The following NRXN3 variants were observed in gnomAD, a reference collection of about 807,000 sequenced individuals.
The protein encoded by NRXN3 is neurexin III.
In NRXN3, 32 loss-of-function variants were observed where a neutral mutation model predicts 137.6. The ratio of observed to expected loss-of-function variants is 0.23; its 90% CI spans 0.18 to 0.31. NRXN3 has a LOEUF of 0.31. NRXN3 is among the 10% of genes least tolerant of loss of function. The pLI is 1.00. For missense variants in NRXN3, 1,574 were observed against 2,062.5 expected, an observed-to-expected ratio of 0.76 and a Z score of 4.59; for synonymous variants, 798 against 784.5, an observed-to-expected ratio of 1.02 and a Z score of -0.29.
chr14:79,836,457 A>G (rs1394738738), intron 20 of NRXN3, among the ~76,000 whole-genome samples: 7 of 37,472 alleles, frequency 1.9e-4, no homozygotes, highest in Non-Finnish European at 3.5e-4. Context: ...AGTTCCATCC[A>G]CTATTCTGGA....
At chr14:78,891,440 TAGTG>T (rs943480571) in intron 10 of NRXN3, among the ~76,000 whole-genome samples, 1 of 151,876 alleles carries the variant, frequency 6.6e-6, no homozygotes, top group African/African-American at 2.4e-5. Flanking sequence ...ACTGGAGACT[TAGTG>T]AGTATTTAGG....
rs572049516 is a variant in NRXN3, at chr14:78,630,013, T to C, written c.758-15107T>C. 2.0e-5 allele frequency among the ~76,000 whole-genome samples: 3 copies of C among 152,362 alleles called. No individual in the cohort carries two copies. In the South Asian group the frequency reaches 6.2e-4, roughly 32 times the overall value. ...ATTCTAGCTAATGGAGAGTTTTTAC[T>C]TGATGTGCTTTATTTTTTACCTTCT... is the stretch of plus-strand genomic sequence containing the variant. On this transcript the variant is annotated intron_variant, in intron 4 of 20. Transcript: ENST00000335750.
At chr14:78,184,581 C>T (rs904869520) in intron 1 of NRXN3, among the ~76,000 whole-genome samples, 1 of 152,200 alleles carries the variant, frequency 6.6e-6, no homozygotes, top group African/African-American at 2.4e-5. Flanking sequence ...AAGACTCTAA[C>T]CTTTTATTTA....
chr14:79,535,918 T>C (rs781701695), intron 16 of NRXN3, among the ~76,000 whole-genome samples: 3 of 152,192 alleles, frequency 2.0e-5, no homozygotes, highest in Non-Finnish European at 2.9e-5. Flanking sequence ...GCATTCTGTA[T>C]TCAGTTACGT....
chr14:78,833,819 T>C (rs1010383993), intron 10 of NRXN3, among the ~76,000 whole-genome samples: 19 of 151,126 alleles, frequency 1.3e-4, no homozygotes, highest in Admixed American at 1.1e-3. Context: ...AGAGGTATTA[T>C]TATTCCCCTT....
chr14:79,577,931 T>C (rs1193471964), intron 16 of NRXN3, among the ~76,000 whole-genome samples: 2 of 152,184 alleles, frequency 1.3e-5, no homozygotes, highest in Non-Finnish European at 2.9e-5. Context: ...CTTTCCTTAC[T>C]TGGGGTCTTT....
intron 15 of NRXN3, among the ~76,000 whole-genome samples, chr14:79,400,869 C>A (rs183511960): frequency 5.2e-4 from 79 of 152,228 alleles, no homozygotes; most frequent in African/African-American, 1.9e-3. Context: ...TATAGCCCCC[C>A]GTAACAAGCC....
chr14:78,955,812 A>G (rs1197073532), intron 10 of NRXN3, among the ~76,000 whole-genome samples: 3 of 152,230 alleles, frequency 2.0e-5, no homozygotes, highest in Non-Finnish European at 4.4e-5. Flanking sequence ...TAAAAGGTGT[A>G]GTTTGAAATT....
intron 8 of NRXN3, among the ~76,000 whole-genome samples, chr14:78,788,738 C>G (rs961129511): frequency 6.6e-6 from 1 of 152,146 alleles, no homozygotes; most frequent in Non-Finnish European, 1.5e-5. Flanking sequence ...TAAATCTTAC[C>G]TTTATTAAAC....
chr14:78,943,601 G>C (rs2099357371), intron 10 of NRXN3, among the ~76,000 whole-genome samples: 1 of 87,520 alleles, frequency 1.1e-5, no homozygotes, highest in African/African-American at 4.1e-5. Context: ...AAAGAAGCAA[G>C]ATCACTGTTA....
At chr14:79,275,496 A>T (rs1877274695) in intron 15 of NRXN3, among the ~76,000 whole-genome samples, 1 of 152,070 alleles carries the variant, frequency 6.6e-6, no homozygotes, top group Non-Finnish European at 1.5e-5. Context: ...AAGTGAGGAG[A>T]GGCCTGTGCA....
At chr14:78,469,890 T>A (rs1283937131) in intron 4 of NRXN3, among the ~76,000 whole-genome samples, 1 of 152,240 alleles carries the variant, frequency 6.6e-6, no homozygotes, top group African/African-American at 2.4e-5. Flanking sequence ...TCCTTGATTT[T>A]GTCCCGTTAG....
intron 4 of NRXN3, among the ~76,000 whole-genome samples, chr14:78,616,150 A>G (rs949575998): frequency 6.6e-6 from 1 of 152,198 alleles, no homozygotes; most frequent in African/African-American, 2.4e-5. Context: ...TTTTTAAAGT[A>G]TAAATCATAC....
chr14:79,073,264 G>A (rs1157536924), intron 15 of NRXN3, among the ~76,000 whole-genome samples: 1 of 152,026 alleles, frequency 6.6e-6, no homozygotes, highest in Non-Finnish European at 1.5e-5. Context: ...GAGATACTTG[G>A]TAATGTAGAA....
At chr14:79,314,917 A>G (rs966653326) in intron 15 of NRXN3, among the ~76,000 whole-genome samples, 1 of 152,078 alleles carries the variant, frequency 6.6e-6, no homozygotes, top group Non-Finnish European at 1.5e-5. Flanking sequence ...CCATCTGTAC[A>G]TCACCATCAT....
chr14:78,388,120 C>T (rs574947504), intron 4 of NRXN3, among the ~76,000 whole-genome samples: 5 of 152,262 alleles, frequency 3.3e-5, no homozygotes, highest in African/African-American at 4.8e-5. Flanking sequence ...TGAATAATTG[C>T]GCAGGTGGGA....
At chr14:79,366,483 C>G (rs879566216) in intron 15 of NRXN3, among the ~76,000 whole-genome samples, 3 of 152,164 alleles carry the variant, frequency 2.0e-5, no homozygotes, top group Non-Finnish European at 4.4e-5. Context: ...TTCCCAGCTT[C>G]TGGTAACTGT....
At chr14:78,688,475 G>C (rs1024504668) in intron 6 of NRXN3, among the ~76,000 whole-genome samples, 1 of 152,140 alleles carries the variant, frequency 6.6e-6, no homozygotes, top group African/African-American at 2.4e-5. Flanking sequence ...TTACTGGTTT[G>C]GTATAAAGAA....
At chr14:79,813,319 C>T (rs574813644) in intron 20 of NRXN3, among the ~76,000 whole-genome samples, 123 of 152,038 alleles carry the variant, frequency 8.1e-4, no homozygotes, top group Non-Finnish European at 1.4e-3. Flanking sequence ...TATATCTATC[C>T]GTATATGCAC....
Sources: gnomAD v4.1 joint callset for allele counts (sites outside exome capture counted in the v4.1 genomes callset) on GRCh38, gnomAD v4.1.1 for gene constraint, MANE v1.5 for transcripts, NCBI Gene and HGNC (gene_info 2026-07-23, HGNC 2026-07-21) for gene names.